Variants in TECTA observed in about 807,000 individuals in gnomAD.
TECTA encodes alpha-tectorin.
Under a neutral mutation model 216.8 loss-of-function variants are expected in TECTA, and 128 were observed. The observed-to-expected ratio is 0.59, with a 90% CI of 0.51 to 0.68. The LOEUF (loss-of-function observed/expected upper bound fraction) is 0.68. Ranked by LOEUF, TECTA falls within the 30% of genes least tolerant of loss-of-function variation. The pLI is 0.00. For missense variants in TECTA, 2,551 were observed against 2,786.2 expected, an observed-to-expected ratio of 0.92 and a Z score of 1.90; for synonymous variants, 1,089 against 1,117.1, an observed-to-expected ratio of 0.97 and a Z score of 0.50.
rs779615610 is a variant in TECTA, at chr11:121,118,461, G to A, written c.946G>A (p.Ala316Thr). Reference sequence around the variant, plus strand: ...CAAAGGCAAATTCTTCTACTGCAGCGCTGTGGAGACCAGCACATGCGTGGT... The same window carrying A: ...CAAAGGCAAATTCTTCTACTGCAGCACTGTGGAGACCAGCACATGCGTGGT... The part of the protein sequence containing the change: ...EPKGKFFYCS[A>T]VETSTCVVFG... The change falls in exon 7 of 24, where the codon GCT becomes ACT. Residue 316 changes from alanine (A) to threonine (T), a missense_variant. By Grantham distance (58) the Ala-to-Thr change is moderately conservative (BLOSUM62 0). Coordinates refer to ENST00000392793, the MANE Select transcript of TECTA (RefSeq NM_005422.4). 6.2e-6 allele frequency: 10 copies of A among 1,614,086 alleles called. No homozygotes were observed. Among genetic ancestry groups the A allele is most frequent in the South Asian group, 2.2e-5 (2 of 91,090 alleles).
intron 14 of TECTA, among the ~76,000 whole-genome samples, chr11:121,158,678 T>A (rs1274449491): frequency 7.9e-5 from 12 of 151,970 alleles, no homozygotes; most frequent in Admixed American, 7.9e-4. Flanking sequence ...AAAACACCAA[T>A]CTGAGTAAAA....
At chr11:121,146,316 G>A in intron 12 of TECTA, 200 bp downstream of exon 12, 2 of 638,390 alleles carry the variant, frequency 3.1e-6, no homozygotes, top group East Asian at 2.8e-5. Flanking sequence ...GTAAAATGGA[G>A]TTAATATCAC....
In TECTA at chr11:121,137,945, T is replaced by C. The variant is rs1434558638; in HGVS notation, c.3466T>C (p.Leu1156=). The C allele has an allele frequency of 1.2e-6, 2 of 1,611,382 alleles. No individual in the cohort carries two copies. The highest frequency in any genetic ancestry group is 1.7e-6 in the Non-Finnish European group (2 of 1,177,768). ...KNEDRDPSLA[L]WVKQVDVTVF... ...TGAGGACCGGGACCCGTCACTGGCC[T>C]TGTGGGTTAAGCAGGTGGACGTGAC... Residue 1156 remains leucine (L), a synonymous_variant, in exon 11 of 24, where the codon TTG becomes CTG. Transcript: ENST00000392793.
intron 3 of TECTA, among the ~76,000 whole-genome samples, chr11:121,108,553 AC>A (rs890960544): frequency 2.3e-5 from 3 of 129,528 alleles, no homozygotes; most frequent in South Asian, 2.4e-4. Context: ...CATACACACC[AC>A]CCCCAGTACA....
chr11:121,109,156 T>G, intron 3 of TECTA, 55 bp from the exon 4 acceptor site: 1 of 1,599,754 alleles, frequency 6.3e-7, no homozygotes, highest in South Asian at 1.1e-5. Flanking sequence ...GGTTTGTGAC[T>G]CTGAAGTTGT....
chr11:121,189,728 T>C (rs373125585), intron 22 of TECTA, 36 bp from the exon 23 acceptor site: 1 of 1,583,236 alleles, frequency 6.3e-7, no homozygotes, highest in Admixed American at 1.7e-5. Context: ...AGGGTTGAAC[T>C]GTCTGTAGTT....
chr11:121,169,188 A>G (rs1303988837), intron 20 of TECTA, among the ~76,000 whole-genome samples: 1 of 152,236 alleles, frequency 6.6e-6, no homozygotes, highest in Admixed American at 6.5e-5. Context: ...TTAACTACAG[A>G]TGCTTTATTC....
chr11:121,154,224 AAAGATAC>A (rs1946920130), intron 13 of TECTA, among the ~76,000 whole-genome samples: 1 of 152,226 alleles, frequency 6.6e-6, no homozygotes, highest in African/African-American at 2.4e-5. Flanking sequence ...TCCTTTTTGT[AAAGATAC>A]ATTGACTCAT....
At chr11:121,188,368 G>T (rs1565542014) in intron 21 of TECTA, among the ~76,000 whole-genome samples, 2 of 152,172 alleles carry the variant, frequency 1.3e-5, no homozygotes, top group Admixed American at 6.5e-5. Flanking sequence ...CACCCAAAAT[G>T]TCTCCAGATG....
intron 14 of TECTA, 106 bp downstream of exon 14, chr11:121,158,330 G>T: frequency 6.8e-7 from 1 of 1,462,684 alleles, no homozygotes; most frequent in South Asian, 1.2e-5. Flanking sequence ...ATAGATTGTT[G>T]CTTCATGGTG....
At chr11:121,189,980 C>G in intron 23 of TECTA, 100 bp downstream of exon 23, 1 of 950,318 alleles carries the variant, frequency 1.1e-6, no homozygotes, top group Non-Finnish European at 1.7e-6. Flanking sequence ...CGGTCAGCAA[C>G]TCTCCCTCGA....
chr11:121,120,854 G>A (rs1447745569), intron 7 of TECTA, among the ~76,000 whole-genome samples: 1 of 152,236 alleles, frequency 6.6e-6, no homozygotes, highest in East Asian at 1.9e-4. Flanking sequence ...ACTAGCCCAT[G>A]GCGATGAGCA....
Position 121,145,687 on chromosome 11 carries a change from T to TCCATCA in TECTA, c.3678_3683dup (p.Ile1227_Thr1228dup). 6.2e-7 allele frequency: 1 copy of TCCATCA among 1,614,248 alleles called. No homozygotes were observed. ...TGTATATGACTGGAAGACCTTCCTG[T>TCCATCA]CCATCACAGTCCCTCGGAGCATGCA... On this transcript the variant is annotated inframe_insertion, in exon 12 of 24. Coordinates refer to ENST00000392793, the MANE Select transcript of TECTA (RefSeq NM_005422.4).
intron 6 of TECTA, among the ~76,000 whole-genome samples, chr11:121,117,534 T>C (rs796344053): frequency 3.3e-5 from 5 of 152,364 alleles, no homozygotes; most frequent in African/African-American, 1.2e-4. Context: ...AATAGTGTTT[T>C]TAAAATTATC....
chr11:121,111,796 G>C (rs549727907), intron 4 of TECTA, among the ~76,000 whole-genome samples: 164 of 152,340 alleles, frequency 1.1e-3, no homozygotes, highest in African/African-American at 3.8e-3. Flanking sequence ...GTGTCCCACT[G>C]TCCTCTTCTG....
chr11:121,157,474 T>G (rs151267128), intron 13 of TECTA, among the ~76,000 whole-genome samples: 48 of 152,192 alleles, frequency 3.2e-4, no homozygotes, highest in Middle Eastern at 6.8e-3. Flanking sequence ...GTGCTTATAG[T>G]TCCAGCTACT....
At chr11:121,133,875 C>T (rs113393494) in intron 10 of TECTA, among the ~76,000 whole-genome samples, 6 of 152,320 alleles carry the variant, frequency 3.9e-5, no homozygotes, top group African/African-American at 1.4e-4. Flanking sequence ...TAATAAGCAA[C>T]CCATGGGGAA....
chr11:121,182,551 C>T (rs1271064877), intron 20 of TECTA, among the ~76,000 whole-genome samples: 1 of 152,156 alleles, frequency 6.6e-6, no homozygotes, highest in African/African-American at 2.4e-5. Context: ...TCTTCAGATC[C>T]CTTGATAATG....
intron 10 of TECTA, among the ~76,000 whole-genome samples, chr11:121,133,954 C>A (rs1470376752): frequency 6.6e-6 from 1 of 152,184 alleles, no homozygotes; most frequent in Non-Finnish European, 1.5e-5. Flanking sequence ...TCTTATCAAT[C>A]TGGACATGGA....
Sources: allele counts gnomAD v4.1 joint callset (sites outside exome capture counted in the v4.1 genomes callset), GRCh38; gene constraint gnomAD v4.1.1; transcripts MANE v1.5; gene names NCBI Gene and HGNC (gene_info 2026-07-23, HGNC 2026-07-21).